Variants in PDE1C observed in about 807,000 individuals in gnomAD.
PDE1C encodes the protein phosphodiesterase 1C.
Under a neutral mutation model 93.1 loss-of-function variants are expected in PDE1C, and 62 were observed. That is an observed-to-expected ratio of 0.67 (90% CI 0.54 to 0.82). PDE1C has a LOEUF of 0.82. Ranked by LOEUF, PDE1C falls within the 40% of genes least tolerant of loss-of-function variation. The pLI, the probability that PDE1C is intolerant of heterozygous loss-of-function variation, is 0.00. For synonymous variants in PDE1C, 325 were observed against 310.1 expected, an observed-to-expected ratio of 1.05 and a Z score of -0.50; for missense variants, 742 against 884.6, an observed-to-expected ratio of 0.84 and a Z score of 2.04.
chr7:31,707,472 A>G, the PDE1C span: 1 of 576,378 alleles, frequency 1.7e-6, no homozygotes, highest in Admixed American at 3.4e-5. Context: ...CTTTCTGAGT[A>G]TGGTTTCTAT....
At chr7:31,983,182 G>A (rs888616714) in intron 2 of PDE1C, among the ~76,000 whole-genome samples, 5 of 152,194 alleles carry the variant, frequency 3.3e-5, no homozygotes, top group African/African-American at 1.2e-4. Flanking sequence ...AGTGATGACA[G>A]AAACATCTCC....
chr7:31,698,139 C>A, the PDE1C span, among the ~76,000 whole-genome samples: 7 of 152,172 alleles, frequency 4.6e-5, no homozygotes, highest in Non-Finnish European at 1.0e-4. Context: ...AGAAGAAACA[C>A]TCTGGGGAGA....
chr7:31,800,244 T>A (rs1019987576), intron 16 of PDE1C, among the ~76,000 whole-genome samples: 1 of 151,650 alleles, frequency 6.6e-6, no homozygotes, highest in Admixed American at 6.6e-5. Flanking sequence ...TAGAGGCTTT[T>A]GATAAAGCAT....
At chr7:31,619,301 G>T in the PDE1C span, among the ~76,000 whole-genome samples, 1 of 152,120 alleles carries the variant, frequency 6.6e-6, no homozygotes, top group Non-Finnish European at 1.5e-5. Flanking sequence ...GAAAAGAAAG[G>T]TCCATAAAGT....
intron 1 of PDE1C, among the ~76,000 whole-genome samples, chr7:32,055,119 A>T (rs11980315): frequency 0.077 from 11,716 of 152,294 alleles, 521 homozygotes; most frequent in Non-Finnish European, 0.09. Flanking sequence ...CTTCCTTGTC[A>T]TGGCAACTGC....
chr7:32,015,191 C>T (rs1049751727), intron 2 of PDE1C, among the ~76,000 whole-genome samples: 15 of 152,098 alleles, frequency 9.9e-5, no homozygotes, highest in Non-Finnish European at 1.9e-4. Context: ...GTCAATTAAA[C>T]CTCTTCCCTT....
chr7:32,400,296 T>G (rs1210559515), intron 1 of PDE1C, among the ~76,000 whole-genome samples: 1 of 152,178 alleles, frequency 6.6e-6, no homozygotes, highest in East Asian at 1.9e-4. Context: ...AAACTTAAAT[T>G]TGAATCCCAA....
At chr7:32,341,147 A>C (rs868027440) in intron 1 of PDE1C, among the ~76,000 whole-genome samples, 9 of 149,926 alleles carry the variant, frequency 6.0e-5, no homozygotes, top group Non-Finnish European at 1.2e-4. Context: ...TTTGCTGTCA[A>C]CCTAAAACTA....
chr7:31,884,189 T>C (rs1797603942), intron 2 of PDE1C, among the ~76,000 whole-genome samples: 1 of 152,038 alleles, frequency 6.6e-6, no homozygotes, highest in South Asian at 2.1e-4. Flanking sequence ...CACCTTTCTT[T>C]ACTCAAGGAT....
intron 1 of PDE1C, among the ~76,000 whole-genome samples, chr7:32,059,327 T>G (rs1794514943): frequency 6.6e-6 from 1 of 152,132 alleles, no homozygotes; most frequent in African/African-American, 2.4e-5. Flanking sequence ...TAGGAGCAAG[T>G]GCATTTCTAT....
intron 3 of PDE1C, chr7:32,078,150 C>T (rs1412739373): frequency 1.1e-5 from 4 of 378,502 alleles, no homozygotes; most frequent in Non-Finnish European, 1.5e-5. Context: ...TTCTTCCTAT[C>T]ACTGTAAAGC....
chr7:31,833,696 G>A (rs1790708606), intron 11 of PDE1C, among the ~76,000 whole-genome samples: 1 of 152,148 alleles, frequency 6.6e-6, no homozygotes, highest in African/African-American at 2.4e-5. Context: ...TAGGGTATCT[G>A]GCGGAAACAA....
At chr7:32,247,387 A>G (rs982975176) in intron 1 of PDE1C, among the ~76,000 whole-genome samples, 17 of 148,306 alleles carry the variant, frequency 1.1e-4, no homozygotes, top group Admixed American at 1.0e-3. Context: ...AAGGAATGAT[A>G]CATGGCAAAT....
intron 3 of PDE1C, among the ~76,000 whole-genome samples, chr7:32,098,016 G>A (rs1184012524): frequency 6.7e-6 from 1 of 148,926 alleles, no homozygotes; most frequent in African/African-American, 2.6e-5. Context: ...GGATCACGAG[G>A]TCAGGAGATC....
chr7:32,388,678 T>TAAAAAAAA (rs5883343), intron 1 of PDE1C, among the ~76,000 whole-genome samples: 1 of 81,590 alleles, frequency 1.2e-5, no homozygotes, highest in African/African-American at 5.3e-5. Flanking sequence ...GTCCCATTTC[T>TAAAAAAAA]AAAAAAAAAA....
exon 1 of PDE1C, chr7:32,299,015 AG>A (rs746446546): frequency 9.8e-6 from 12 of 1,229,022 alleles, no homozygotes; most frequent in Non-Finnish European, 1.1e-5. Flanking sequence ...AGTGTCAGGA[AG>A]GGAGGACGCG....
chr7:31,982,628 G>A (rs917640428), intron 2 of PDE1C, among the ~76,000 whole-genome samples: 1 of 151,816 alleles, frequency 6.6e-6, no homozygotes, highest in Non-Finnish European at 1.5e-5. Flanking sequence ...AAAACCAATA[G>A]GTTTTGAAAG....
At chr7:32,079,464 G>C (rs79412405) in intron 3 of PDE1C, among the ~76,000 whole-genome samples, 5,601 of 152,294 alleles carry the variant, frequency 0.037, 129 homozygotes, top group Middle Eastern at 0.071. Flanking sequence ...TCAAAATTCA[G>C]TGGCTTTTTA....
chr7:32,123,887 A>G (rs560249278), intron 3 of PDE1C, among the ~76,000 whole-genome samples: 3 of 152,214 alleles, frequency 2.0e-5, no homozygotes, highest in South Asian at 2.1e-4. Flanking sequence ...AATAAAGCGT[A>G]TTCAAATACG....
Sources: allele counts gnomAD v4.1 joint callset (sites outside exome capture counted in the v4.1 genomes callset), GRCh38; gene constraint gnomAD v4.1.1; transcripts MANE v1.5; gene names NCBI Gene and HGNC (gene_info 2026-07-23, HGNC 2026-07-21).